Variants in GAB4 observed in about 807,000 individuals in gnomAD.
GAB4 encodes GRB2-associated-binding protein 4.
A neutral mutation model predicts 51.3 loss-of-function variants in GAB4; 26 were observed. The observed-to-expected ratio is 0.51, with a 90% CI of 0.37 to 0.70. GAB4 has a LOEUF of 0.70. Ranked by LOEUF, GAB4 falls within the 30% of genes least tolerant of loss-of-function variation. GAB4 has a pLI of 0.00. For missense variants in GAB4, 759 were observed against 734.6 expected (o/e 1.03, Z -0.38); for synonymous variants, 329 against 291.2 (o/e 1.13, Z -1.32).
chr22:16,990,031 C>T (rs1448652010), intron 2 of GAB4, among the ~76,000 whole-genome samples: 2 of 152,126 alleles, frequency 1.3e-5, no homozygotes, highest in African/African-American at 4.8e-5. Context: ...CTCGGTGAGG[C>T]ACATCAGCAT....
At chr22:16,971,907 T>C (rs528357593) in intron 3 of GAB4, among the ~76,000 whole-genome samples, 6 of 152,178 alleles carry the variant, frequency 3.9e-5, no homozygotes, top group Non-Finnish European at 8.8e-5. Context: ...TCCTTCTCCC[T>C]TTCTATTCCT....
chr22:17,004,935 C>T (rs745643322), intron 1 of GAB4, among the ~76,000 whole-genome samples: 19 of 152,070 alleles, frequency 1.2e-4, no homozygotes, highest in African/African-American at 3.4e-4. Context: ...CTTTGAAAAC[C>T]GGCACAAGAC....
At position 16,962,859 on chromosome 22, in the gene GAB4, G is replaced by C. The variant is rs1279191731; in HGVS notation, c.1599C>G (p.Val533=). The C allele has an allele frequency of 2.5e-6, 4 of 1,613,228 alleles. No individual in the cohort carries two copies. Among genetic ancestry groups the C allele is most frequent in the Non-Finnish European group, 3.4e-6 (4 of 1,179,574 alleles). ...FQPSKPSIGS[V]TSGKKVDYVQ... The stretch of plus-strand genomic sequence containing the variant: ...CATAGTCCACCTTCTTGCCGGACGT[G>C]ACAGAGCCTATGGATGGCTGAGGGA... Residue 533 remains valine (V), a synonymous_variant, in exon 10 of 10, where the codon GTC becomes GTG. Coordinates refer to ENST00000400588, the MANE Select transcript of GAB4 (RefSeq NM_001037814.1).
intron 3 of GAB4, among the ~76,000 whole-genome samples, chr22:16,973,921 T>A (rs982933053): frequency 1.1e-4 from 16 of 152,232 alleles, no homozygotes; most frequent in African/African-American, 3.1e-4. Context: ...GAGGGCCACA[T>A]CCTGTCCCAT....
At chr22:16,970,318 T>C (rs1446012348) in intron 3 of GAB4, 125 bp from the exon 4 acceptor site, 2 of 1,071,198 alleles carry the variant, frequency 1.9e-6, no homozygotes, top group Non-Finnish European at 2.7e-6. Flanking sequence ...GGAAGAGGAA[T>C]TGGGCAGACC....
At chr22:17,003,923 C>A (rs986788401) in intron 1 of GAB4, among the ~76,000 whole-genome samples, 1 of 152,026 alleles carries the variant, frequency 6.6e-6, no homozygotes, top group African/African-American at 2.4e-5. Context: ...GCTAGCCAGA[C>A]TAATAAAGAA....
rs2060882388 is a variant in GAB4 at position 16,987,987 on chromosome 22, T to C, written c.659A>G (p.His220Arg). 3 of 1,607,764 alleles carry C rather than the reference T, an allele frequency of 1.9e-6. No homozygotes were observed. The highest frequency in any genetic ancestry group is 2.5e-6 in the Non-Finnish European group (3 of 1,178,014). Residue 220 changes from histidine (H) to arginine (R), a missense_variant, in exon 3 of 10, where the codon CAC becomes CGC. By Grantham distance (29) the His-to-Arg change is conservative. Coordinates refer to ENST00000400588, the MANE Select transcript of GAB4 (RefSeq NM_001037814.1). ...TGCATGTTCTGCTCTCTGGCTGGCG[T>C]GCTGGTGCGAGCGGAGACACCCCGG... ...APPGCLRSHQ[H>R]ASQRAEHARS...
chr22:16,963,008 G>C (rs2060641618), intron 9 of GAB4, 132 bp from the exon 10 acceptor site: 1 of 775,306 alleles, frequency 1.3e-6, no homozygotes, highest in South Asian at 1.9e-5. Flanking sequence ...TCAGCAGCCT[G>C]GGGGGCCTGG....
chr22:17,007,315 A>T (rs1006643746), intron 1 of GAB4, among the ~76,000 whole-genome samples: 1 of 152,252 alleles, frequency 6.6e-6, no homozygotes, highest in Non-Finnish European at 1.5e-5. Flanking sequence ...GTTTAACCAC[A>T]TGAATTAATA....
chr22:16,970,061 A>G lies in GAB4; in HGVS notation c.819T>C (p.Leu273=). ...CTGCATTGTGCTGGCTGGGCTTGGA[A>G]AGGCTATGGAAGCCATGGATGTGAC... ...VSGHIHGFHS[L]SKPSQHNAEF... Residue 273 remains leucine, a synonymous_variant, in exon 4 of 10, where the codon CTT becomes CTC. Coordinates refer to ENST00000400588, the MANE Select transcript of GAB4 (RefSeq NM_001037814.1). 2.5e-6 allele frequency: 4 copies of G among 1,614,174 alleles called. No homozygotes were observed. The highest frequency in any genetic ancestry group is 3.4e-6 in the Non-Finnish European group (4 of 1,180,030).
At chr22:16,966,462 G>A (rs1369566958) in intron 5 of GAB4, 98 bp from the exon 6 acceptor site, 13 of 1,254,808 alleles carry the variant, frequency 1.0e-5, no homozygotes, top group African/African-American at 3.0e-5. Flanking sequence ...ATGACGGGGT[G>A]TTTTGAACGA....
chr22:16,972,891 C>A (rs1279886022), intron 3 of GAB4, among the ~76,000 whole-genome samples: 1 of 152,140 alleles, frequency 6.6e-6, no homozygotes, highest in East Asian at 1.9e-4. Context: ...GGATGAAAAA[C>A]CCCCAGCTTT....
At chr22:16,988,494 C>G (rs1337262442) in intron 2 of GAB4, among the ~76,000 whole-genome samples, 1 of 152,224 alleles carries the variant, frequency 6.6e-6, no homozygotes, top group African/African-American at 2.4e-5. Flanking sequence ...GTGAGTGCTG[C>G]CACCTCCCTC....
intron 2 of GAB4, among the ~76,000 whole-genome samples, chr22:16,988,384 C>CA (rs1458444226): frequency 6.6e-6 from 1 of 152,188 alleles, no homozygotes; most frequent in African/African-American, 2.4e-5. Flanking sequence ...CTGGAGGCCT[C>CA]ATAGTGCCCT....
intron 2 of GAB4, among the ~76,000 whole-genome samples, 153 bp downstream of exon 2, chr22:16,991,720 C>A (rs1421559684): frequency 3.3e-5 from 5 of 152,184 alleles, no homozygotes; most frequent in Non-Finnish European, 7.3e-5. Flanking sequence ...GTAGTGGTAT[C>A]GAGGTGTCTG....
At chr22:16,975,739 C>A (rs1168242629) in intron 3 of GAB4, among the ~76,000 whole-genome samples, 1 of 152,234 alleles carries the variant, frequency 6.6e-6, no homozygotes, top group Non-Finnish European at 1.5e-5. Context: ...CAGGCATCGA[C>A]AGACACCTCA....
Position 16,966,357 on chromosome 22 carries a change from C to T in GAB4, c.1031G>A (p.Arg344Lys), listed in dbSNP as rs768758099. 6.2e-7 allele frequency: 1 copy of T among 1,611,008 alleles called. No individual in the cohort carries two copies. The highest frequency in any genetic ancestry group is 1.7e-5 in the Admixed American group (1 of 59,954). Residue 344 changes from arginine (R) to lysine (K), a missense_variant, in exon 6 of 10, where the codon AGA becomes AAA. Transcript: ENST00000400588. Reference sequence around the variant, plus strand: ...GCTGTCTGACAGGCCCACAAGCGTTCTTCCTGGCTAGGAAGAGGACAGTGA... The same window carrying T: ...GCTGTCTGACAGGCCCACAAGCGTTTTTCCTGGCTAGGAAGAGGACAGTGA... ...HEGVCSFLPG[R>K]TLVGLSDSIA...
chr22:16,977,187 T>C (rs1213091989), intron 3 of GAB4, among the ~76,000 whole-genome samples: 2 of 152,186 alleles, frequency 1.3e-5, no homozygotes, highest in Non-Finnish European at 2.9e-5. Flanking sequence ...ACCTTAAATG[T>C]AAATGGGCTA....
intron 3 of GAB4, among the ~76,000 whole-genome samples, chr22:16,972,727 T>G (rs2060742581): frequency 6.6e-6 from 1 of 152,134 alleles, no homozygotes; most frequent in African/African-American, 2.4e-5. Context: ...GAGCCCACCC[T>G]ACTCATTTCC....
Sources: allele counts gnomAD v4.1 joint callset (sites outside exome capture counted in the v4.1 genomes callset), GRCh38; gene constraint gnomAD v4.1.1; transcripts MANE v1.5; gene names NCBI Gene and HGNC (gene_info 2026-07-23, HGNC 2026-07-21).